Variants in CDH12 observed in about 807,000 individuals in gnomAD.
CDH12 encodes cadherin 12.
A neutral mutation model predicts 74.1 loss-of-function variants in CDH12; 41 were observed. That is an observed-to-expected ratio of 0.55 (90% confidence interval 0.43 to 0.72). CDH12 has a LOEUF of 0.72. Ranked by LOEUF, CDH12 falls within the 30% of genes least tolerant of loss-of-function variation. CDH12 has a pLI of 0.00. For missense variants in CDH12, 945 were observed against 977.2 expected (o/e 0.97, Z 0.44); for synonymous variants, 399 against 355.0 (o/e 1.12, Z -1.39).
At chr5:21,794,760 CTTAGAA>C (rs1378918278) in intron 10 of CDH12, among the ~76,000 whole-genome samples, 1 of 151,630 alleles carries the variant, frequency 6.6e-6, no homozygotes, top group African/African-American at 2.4e-5. Flanking sequence ...GTTGCCTTCA[CTTAGAA>C]TTAGTAAAGT....
At chr5:22,624,014 A>T (rs996852804) in intron 1 of CDH12, among the ~76,000 whole-genome samples, 2 of 152,198 alleles carry the variant, frequency 1.3e-5, no homozygotes, top group Non-Finnish European at 2.9e-5. Context: ...AATACCACAC[A>T]TCTACAACCA....
intron 3 of CDH12, among the ~76,000 whole-genome samples, chr5:22,308,080 CCA>C (rs1738200822): frequency 6.6e-6 from 1 of 151,732 alleles, no homozygotes; most frequent in African/African-American, 2.4e-5. Context: ...CGGGGTTTCA[CCA>C]CGTTAGCCAG....
chr5:22,723,089 A>G (rs1157658446), intron 1 of CDH12, among the ~76,000 whole-genome samples: 2 of 152,186 alleles, frequency 1.3e-5, no homozygotes, highest in Non-Finnish European at 2.9e-5. Flanking sequence ...TGCTACTGTA[A>G]AAAATGTAAT....
intron 3 of CDH12, among the ~76,000 whole-genome samples, chr5:22,266,291 G>A (rs1028584173): frequency 6.6e-6 from 1 of 151,962 alleles, no homozygotes; most frequent in African/African-American, 2.4e-5. Context: ...GGCCTGGCTT[G>A]TCTTGAACTG....
intron 1 of CDH12, among the ~76,000 whole-genome samples, chr5:22,693,897 A>AT (rs1742213903): frequency 2.0e-5 from 3 of 151,966 alleles, no homozygotes; most frequent in Admixed American, 6.6e-5. Flanking sequence ...ATTATTTTGA[A>AT]ATATTTAGTT....
intron 5 of CDH12, among the ~76,000 whole-genome samples, chr5:22,048,432 G>A (rs1389155746): frequency 1.3e-5 from 2 of 152,040 alleles, no homozygotes; most frequent in Admixed American, 6.6e-5. Context: ...TTTTGTTGTC[G>A]TTGTTGGGGA....
chr5:22,291,090 T>G (rs1414507197), intron 3 of CDH12, among the ~76,000 whole-genome samples: 5 of 152,020 alleles, frequency 3.3e-5, no homozygotes, highest in Non-Finnish European at 5.9e-5. Flanking sequence ...ATGTGATACA[T>G]CAAATTAATA....
intron 4 of CDH12, among the ~76,000 whole-genome samples, chr5:22,124,160 T>C (rs1430871688): frequency 2.0e-5 from 3 of 151,814 alleles, no homozygotes; most frequent in South Asian, 2.1e-4. Context: ...TATTTTATTT[T>C]ATTTCATTTT....
intron 5 of CDH12, among the ~76,000 whole-genome samples, chr5:22,017,604 C>T (rs1737681352): frequency 6.6e-6 from 1 of 152,062 alleles, no homozygotes; most frequent in Non-Finnish European, 1.5e-5. Flanking sequence ...ATCTCAGAAA[C>T]TGTCCTTCTA....
At chr5:22,089,363 G>T (rs28439320) in intron 4 of CDH12, among the ~76,000 whole-genome samples, 44,482 of 151,948 alleles carry the variant, frequency 0.29, 7,125 homozygotes, top group African/African-American at 0.43. Context: ...TGGGATGGGG[G>T]GAAATCAGAG....
intron 1 of CDH12, among the ~76,000 whole-genome samples, chr5:22,797,229 T>A: frequency 6.7e-6 from 1 of 148,662 alleles, no homozygotes; most frequent in East Asian, 2.0e-4. Flanking sequence ...TCTCTTGCAC[T>A]TGCTGCCATG....
chr5:22,775,051 C>T (rs1747020698), intron 1 of CDH12, among the ~76,000 whole-genome samples: 1 of 150,822 alleles, frequency 6.6e-6, no homozygotes, highest in South Asian at 2.1e-4. Context: ...ATGTGAAATA[C>T]ATATTTCATA....
intron 2 of CDH12, among the ~76,000 whole-genome samples, chr5:22,441,681 T>C (rs1338416277): frequency 6.6e-6 from 1 of 152,096 alleles, no homozygotes; most frequent in Non-Finnish European, 1.5e-5. Flanking sequence ...CACACAAAAA[T>C]AGATATATTA....
intron 3 of CDH12, among the ~76,000 whole-genome samples, chr5:22,244,487 T>A (rs1242892459): frequency 3.6e-4 from 32 of 87,678 alleles, no homozygotes; most frequent in Non-Finnish European, 5.8e-4. Flanking sequence ...AGAACAAGAC[T>A]CTGCCTCAAA....
chr5:21,980,959 G>C (rs1757279035), intron 5 of CDH12, among the ~76,000 whole-genome samples: 1 of 152,044 alleles, frequency 6.6e-6, no homozygotes, highest in African/African-American at 2.4e-5. Context: ...ATATCATAGG[G>C]AATCGAAGAG....
intron 2 of CDH12, among the ~76,000 whole-genome samples, chr5:22,474,123 G>A (rs550423443): frequency 6.6e-6 from 1 of 152,238 alleles, no homozygotes; most frequent in African/African-American, 2.4e-5. Context: ...ATGTGATACT[G>A]CAGAGGATTA....
chr5:22,308,809 A>AACACAT (rs1554030189), intron 3 of CDH12, among the ~76,000 whole-genome samples: 20,875 of 85,092 alleles, frequency 0.25, 2,043 homozygotes, highest in Middle Eastern at 0.39. Flanking sequence ...CAAATACACA[A>AACACAT]ACACACACAC....
intron 1 of CDH12, among the ~76,000 whole-genome samples, chr5:22,761,581 C>A (rs1209256181): frequency 6.6e-6 from 1 of 152,116 alleles, no homozygotes; most frequent in Non-Finnish European, 1.5e-5. Flanking sequence ...CCAATCAGAA[C>A]AGGTTTTACT....
intron 1 of CDH12, among the ~76,000 whole-genome samples, chr5:22,572,502 T>G (rs907340028): frequency 2.0e-5 from 3 of 152,080 alleles, no homozygotes; most frequent in African/African-American, 7.2e-5. Context: ...CTCTAATTTC[T>G]TTTCCCCCAG....
Sources: allele counts gnomAD v4.1 joint callset (sites outside exome capture counted in the v4.1 genomes callset), GRCh38; gene constraint gnomAD v4.1.1; transcripts MANE v1.5; gene names NCBI Gene and HGNC (gene_info 2026-07-23, HGNC 2026-07-21).